The following CNTNAP2 variants were observed in gnomAD, a reference collection of about 807,000 sequenced individuals.
CNTNAP2 encodes contactin associated protein 2, also known as contactin-associated protein-like 2.
A neutral mutation model predicts 155.2 loss-of-function variants in CNTNAP2; 98 were observed. That is an observed-to-expected ratio of 0.63 (90% CI 0.54 to 0.75). The LOEUF (loss-of-function observed/expected upper bound fraction) is 0.75. CNTNAP2 is among the 30% of genes least tolerant of loss of function. CNTNAP2 has a pLI of 0.00. For synonymous variants in CNTNAP2, 651 were observed against 631.2 expected (o/e 1.03, Z -0.47); for missense variants, 1,727 against 1,688.1 (o/e 1.02, Z -0.40).
At chr7:147,664,775 T>G (rs1207925458) in intron 13 of CNTNAP2, among the ~76,000 whole-genome samples, 9 of 152,152 alleles carry the variant, frequency 5.9e-5, no homozygotes, top group Non-Finnish European at 1.0e-4. Flanking sequence ...GTATCCGGCC[T>G]CCTCTCTCAC....
rs549414098 is a variant in CNTNAP2 at position 147,955,675 on chromosome 7, C to G, written c.2256-22187C>G. ...GGGCAACTCACTGGCCTGCTCCCCACCTCAGCTATCATATGATGCACAGTC... is the reference window on the plus strand; with the variant it reads ...GGGCAACTCACTGGCCTGCTCCCCAGCTCAGCTATCATATGATGCACAGTC... On this transcript the variant is annotated intron_variant, in intron 14 of 23. Coordinates refer to ENST00000361727, the MANE Select transcript of CNTNAP2 (RefSeq NM_014141.6). 1.9e-4 allele frequency among the ~76,000 whole-genome samples: 29 copies of G among 152,216 alleles called. No individual in the cohort carries two copies. The South Asian group carries it at 2.5e-3, about 13-fold the overall frequency.
chr7:148,059,507 GA>G (rs1803090245), intron 15 of CNTNAP2, among the ~76,000 whole-genome samples: 1 of 150,678 alleles, frequency 6.6e-6, no homozygotes, highest in South Asian at 2.1e-4. Context: ...AAAATCGCTT[GA>G]ACCCGGGAGA....
intron 1 of CNTNAP2, among the ~76,000 whole-genome samples, chr7:146,181,626 C>A (rs1015496671): frequency 8.6e-5 from 13 of 152,028 alleles, no homozygotes; most frequent in Non-Finnish European, 1.8e-4. Context: ...CACTTTTTTA[C>A]TGCTCAGATG....
chr7:146,236,819 T>TTAA (rs1320269725), intron 1 of CNTNAP2, among the ~76,000 whole-genome samples: 1 of 151,992 alleles, frequency 6.6e-6, no homozygotes, highest in Non-Finnish European at 1.5e-5. Flanking sequence ...TATTAATTAA[T>TTAA]TAATTAGTCT....
intron 1 of CNTNAP2, among the ~76,000 whole-genome samples, chr7:146,315,670 T>A (rs936397814): frequency 1.3e-5 from 2 of 152,208 alleles, no homozygotes; most frequent in South Asian, 2.1e-4. Context: ...TTTATTTACA[T>A]TTTGTTTATA....
Position 148,150,406 on chromosome 7 carries a change from G to A in CNTNAP2, c.2773+2697G>A, listed in dbSNP as rs531923769. Among the ~76,000 whole-genome samples the A allele has an allele frequency of 3.2e-4, 49 of 152,234 alleles. No individual in the cohort carries two copies. In the South Asian group the frequency reaches 9.8e-3, roughly 30 times the overall value. ...TACTAAAAATACAAAAAATTAGCCA[G>A]GCATGGTGGTGGGTGCCTGTAGTCC... On this transcript the variant is annotated intron_variant, in intron 17 of 23. Transcript: ENST00000361727.
At chr7:148,350,456 C>A (rs917294120) in intron 21 of CNTNAP2, among the ~76,000 whole-genome samples, 2 of 152,158 alleles carry the variant, frequency 1.3e-5, no homozygotes, top group Admixed American at 1.3e-4. Flanking sequence ...TTTTTGAGGT[C>A]ATGCGTAGTA....
At chr7:146,750,515 C>T (rs143207874) in intron 1 of CNTNAP2, among the ~76,000 whole-genome samples, 19 of 152,304 alleles carry the variant, frequency 1.2e-4, no homozygotes, top group African/African-American at 4.3e-4. Context: ...TGGCGGAACA[C>T]TCACTAGTCC....
intron 12 of CNTNAP2, among the ~76,000 whole-genome samples, chr7:147,604,159 GT>G (rs1265978545): frequency 7.9e-5 from 12 of 151,354 alleles, no homozygotes; most frequent in East Asian, 3.9e-4. Context: ...GGACATAGGC[GT>G]GGGCAAGGAC....
At chr7:146,721,615 TATATTCTATATAC>T (rs1384548439) in intron 1 of CNTNAP2, among the ~76,000 whole-genome samples, 6 of 104,188 alleles carry the variant, frequency 5.8e-5, no homozygotes, top group Non-Finnish European at 6.9e-5. Flanking sequence ...ATTCTATATA[TATATTCTATATAC>T]ATTCTATATA....
chr7:147,145,740 G>A (rs952582046), intron 8 of CNTNAP2, among the ~76,000 whole-genome samples: 1 of 152,104 alleles, frequency 6.6e-6, no homozygotes, highest in Admixed American at 6.5e-5. Flanking sequence ...TACATATTTA[G>A]AAAAATTCCA....
intron 8 of CNTNAP2, among the ~76,000 whole-genome samples, chr7:147,265,570 C>T (rs554292559): frequency 1.3e-5 from 2 of 152,318 alleles, no homozygotes; most frequent in Admixed American, 6.5e-5. Context: ...TAGATTTAGT[C>T]TCTTCTCCTG....
chr7:147,265,321 G>A (rs1804581983), intron 8 of CNTNAP2, among the ~76,000 whole-genome samples: 2 of 152,178 alleles, frequency 1.3e-5, no homozygotes, highest in Admixed American at 1.3e-4. Context: ...TCCTCTGCTG[G>A]TGCTGGGGAG....
At chr7:147,203,261 T>C (rs1031273431) in intron 8 of CNTNAP2, among the ~76,000 whole-genome samples, 3 of 152,194 alleles carry the variant, frequency 2.0e-5, no homozygotes, top group Non-Finnish European at 4.4e-5. Context: ...TTAATTTATT[T>C]TGGGATGGAG....
At chr7:147,294,659 A>AT (rs554740767) in intron 8 of CNTNAP2, among the ~76,000 whole-genome samples, 4,814 of 147,268 alleles carry the variant, frequency 0.033, 122 homozygotes, top group African/African-American at 0.069. Flanking sequence ...TCCAAAGACA[A>AT]TTTTTTTTTT....
chr7:147,308,961 C>T (rs528912349), intron 9 of CNTNAP2, among the ~76,000 whole-genome samples: 1 of 152,174 alleles, frequency 6.6e-6, no homozygotes, highest in African/African-American at 2.4e-5. Context: ...AATGGAGAAC[C>T]CTGACTTAAA....
At chr7:146,980,252 G>C (rs1296143849) in intron 3 of CNTNAP2, among the ~76,000 whole-genome samples, 1 of 152,134 alleles carries the variant, frequency 6.6e-6, no homozygotes, top group Non-Finnish European at 1.5e-5. Flanking sequence ...AGGCAAAACA[G>C]AATGTCAGAA....
intron 13 of CNTNAP2, among the ~76,000 whole-genome samples, chr7:147,831,261 A>T (rs902699378): frequency 6.6e-6 from 1 of 152,346 alleles, no homozygotes; most frequent in South Asian, 2.1e-4. Context: ...AGGAAAAACC[A>T]TATTTTAATA....
intron 10 of CNTNAP2, among the ~76,000 whole-genome samples, chr7:147,424,587 C>T (rs925334315): frequency 2.0e-5 from 3 of 152,092 alleles, no homozygotes; most frequent in African/African-American, 7.2e-5. Flanking sequence ...TTCCTGTCTA[C>T]ACCTACTCCC....
Sources: allele counts gnomAD v4.1 joint callset (sites outside exome capture counted in the v4.1 genomes callset), GRCh38; gene constraint gnomAD v4.1.1; transcripts MANE v1.5; gene names NCBI Gene and HGNC (gene_info 2026-07-23, HGNC 2026-07-21).